FGF6: variants seen among roughly 807,000 people sequenced by gnomAD.
FGF6 encodes FGF-6.
Under a neutral mutation model 18.4 loss-of-function variants are expected in FGF6, and 14 were observed. The observed-to-expected ratio is 0.76, with a 90% CI of 0.50 to 1.19. The LOEUF (loss-of-function observed/expected upper bound fraction) is 1.19, where lower values mean the gene tolerates loss of function less well. Ranked by LOEUF, FGF6 falls within the 50% of genes most tolerant of loss-of-function variation. The probability of loss-of-function intolerance (pLI) is 0.00; values close to 1 mark genes in which losing one functional copy is unlikely to be tolerated. For synonymous variants in FGF6, 125 were observed against 116.7 expected (o/e 1.07, Z -0.46); for missense variants, 266 against 271.6 (o/e 0.98, Z 0.15).
intron 2 of FGF6, among the ~76,000 whole-genome samples, chr12:4,441,701 C>T (rs771219623): frequency 2.0e-5 from 3 of 152,136 alleles, no homozygotes; most frequent in Admixed American, 6.5e-5. Context: ...TTCCCTCCCC[C>T]ACCCATGAGA....
At position 4,445,257 on chromosome 12, in the gene FGF6, C is replaced by T. The variant is rs199938701; in HGVS notation, c.314G>A (p.Arg105Gln). The T allele has an allele frequency of 7.4e-6, 12 of 1,613,422 alleles. No individual in the cohort carries two copies. In the Admixed American group the frequency reaches 1.2e-4, roughly 16 times the overall value. ...GTTCTCCTCGTGGGTCCCGCTGATC[C>T]GGCCGTCGGGGAGCACCTGGAGGTG... The part of the protein sequence containing the change: ...GFHLQVLPDG[R>Q]ISGTHEENPY... Residue 105 changes from arginine (R) to glutamine (Q), a missense_variant, in exon 1 of 3, where the codon CGG (arginine) becomes CAG (glutamine). Transcript: ENST00000228837. This position sits in a 1 kb window ranked among gnomAD's most constrained non-coding sequence, Gnocchi z 5.5.
chr12:4,441,517 A>T (rs1478318329), intron 2 of FGF6, among the ~76,000 whole-genome samples: 1 of 152,158 alleles, frequency 6.6e-6, no homozygotes, highest in Non-Finnish European at 1.5e-5. Context: ...AGGGCAGGGC[A>T]GCTGTTTATA....
Position 4,434,194 on chromosome 12 carries a change from T to C in FGF6, c.*21A>G, listed in dbSNP as rs1865600685. ...TCGAACAGATGATGCTTTAAATCTG[T>C]GAGCCTTCTTTTGTGGGTCCTTAGA... On this transcript the variant is annotated 3_prime_UTR_variant, in exon 3 of 3. Coordinates refer to ENST00000228837, the MANE Select transcript of FGF6 (RefSeq NM_020996.3). The C allele has an allele frequency of 6.2e-7, 1 of 1,610,650 alleles. No individual in the cohort carries two copies. Among genetic ancestry groups the C allele is most frequent in the African/African-American group, 1.3e-5 (1 of 74,826 alleles).
intron 2 of FGF6, among the ~76,000 whole-genome samples, chr12:4,439,098 T>C (rs1309691202): frequency 6.6e-6 from 1 of 152,220 alleles, no homozygotes; most frequent in Non-Finnish European, 1.5e-5. Flanking sequence ...CCATAGAATA[T>C]TCTTTGATAC....
intron 2 of FGF6, among the ~76,000 whole-genome samples, chr12:4,437,662 T>C (rs1474775613): frequency 2.0e-5 from 3 of 152,198 alleles, no homozygotes; most frequent in Admixed American, 2.0e-4. Context: ...CATACATGGA[T>C]GTAAAATGAA....
At position 4,445,307 on chromosome 12, in the gene FGF6, G is replaced by C. The variant is rs903732308; in HGVS notation, c.264C>G (p.Leu88=). The change falls in exon 1 of 3, where the codon CTC becomes CTG. Residue 88 remains leucine, a synonymous_variant. Transcript: ENST00000228837. The surrounding 1 kb of genome is among the most constrained non-coding windows in gnomAD (Gnocchi z 5.5). The part of the protein sequence containing the change: ...YLVGIKRQRR[L]YCNVGIGFHL... ...GAAAGCCGATGCCCACGTTGCAGTAGAGCCTCCGCTGCCGCTTGATCCCCA... is the reference window on the plus strand; with the variant it reads ...GAAAGCCGATGCCCACGTTGCAGTACAGCCTCCGCTGCCGCTTGATCCCCA... 1.2e-6 allele frequency: 2 copies of C among 1,614,114 alleles called. No individual in the cohort carries two copies. The highest frequency in any genetic ancestry group is 8.5e-7 in the Non-Finnish European group (1 of 1,180,032).
rs1306044033 is a variant in FGF6 at position 4,445,623 on chromosome 12, C to T, written c.-53G>A. 2 of 1,411,932 alleles carry T rather than the reference C, an allele frequency of 1.4e-6. No homozygotes were observed. Among genetic ancestry groups the T allele is most frequent in the Non-Finnish European group, 9.5e-7 (1 of 1,050,882 alleles). The allele number at this position is 1,411,932 out of a possible 1,614,324, so 87.5% of individuals were successfully genotyped here. A position where few individuals can be genotyped will look rare whatever the true frequency, so the allele number is the denominator to read the frequency against. ...GAATTAATGGCCCTAAAAATACCGC[C>T]CTTCTTGTTTTTCTCCCTCCGGCAT... On this transcript the variant is annotated 5_prime_UTR_variant, in exon 1 of 3. Transcript: ENST00000228837. The surrounding 1 kb of genome is among the most constrained non-coding windows in gnomAD (Gnocchi z 5.5).
intron 2 of FGF6, among the ~76,000 whole-genome samples, chr12:4,441,408 G>A (rs1865689306): frequency 6.6e-6 from 1 of 152,208 alleles, no homozygotes; most frequent in Non-Finnish European, 1.5e-5. Flanking sequence ...TGCACAGGGA[G>A]GATGAAGATC....
intron 2 of FGF6, among the ~76,000 whole-genome samples, chr12:4,435,009 G>A (rs193252549): frequency 1.5e-4 from 23 of 151,978 alleles, no homozygotes; most frequent in African/African-American, 5.6e-4. Flanking sequence ...AGCACTGCCT[G>A]TCTCTTTGTT....
intron 2 of FGF6, among the ~76,000 whole-genome samples, chr12:4,443,197 C>T (rs561106348): frequency 6.6e-6 from 1 of 152,304 alleles, no homozygotes; most frequent in East Asian, 1.9e-4. Flanking sequence ...GGACAGCTCC[C>T]CTGGGACCCA....
Position 4,438,751 on chromosome 12 carries a change from C to CAAAAA in FGF6, c.451-4365_451-4361dup, listed in dbSNP as rs386375443. On this transcript the variant is annotated intron_variant, in intron 2 of 2. Coordinates refer to ENST00000228837, the MANE Select transcript of FGF6 (RefSeq NM_020996.3). ...CTGGTGACAGAGCGAGACTCTATCT[C>CAAAAA]AAAAAAAAAAAAAAAAAAAAAAAAA... 7.3e-4 allele frequency among the ~76,000 whole-genome samples: 29 copies of CAAAAA among 39,724 alleles called. 5 individuals are homozygous for CAAAAA. The highest frequency in any genetic ancestry group is 6.6e-3 in the South Asian group (4 of 606). The allele number at this position is 39,724 out of a possible 152,430, so 26.1% of individuals were successfully genotyped here. A position where few individuals can be genotyped will look rare whatever the true frequency, so the allele number is the denominator to read the frequency against.
intron 2 of FGF6, among the ~76,000 whole-genome samples, chr12:4,436,579 C>T (rs896442347): frequency 3.9e-5 from 6 of 152,048 alleles, no homozygotes; most frequent in South Asian, 4.2e-4. Context: ...ATTGCTCCGC[C>T]GCACTCCAGC....
intron 2 of FGF6, among the ~76,000 whole-genome samples, 194 bp downstream of exon 2, chr12:4,443,939 A>G (rs1404520147): frequency 6.6e-6 from 1 of 152,216 alleles, no homozygotes; most frequent in Non-Finnish European, 1.5e-5. Context: ...AGCACGGGCC[A>G]GGGCAGAGGA....
rs925005313 is a variant in FGF6 at position 4,445,794 on chromosome 12, C to G, written c.-224G>C. On this transcript the variant is annotated 5_prime_UTR_variant, in exon 1 of 3. Transcript: ENST00000228837. This position sits in a 1 kb window ranked among gnomAD's most constrained non-coding sequence, Gnocchi z 5.5. ...TGGCTCGGGGACGCTCTCTAGCTCG[C>G]CCGCTTGCTCCGTCCCTAGTTGATG... Among the ~76,000 whole-genome samples the G allele has an allele frequency of 6.6e-6, 1 of 152,192 alleles. No individual in the cohort carries two copies. The highest frequency in any genetic ancestry group is 1.5e-5 in the Non-Finnish European group (1 of 68,034).
intron 1 of FGF6, 50 bp from the exon 2 acceptor site, chr12:4,444,286 T>G (rs1251680781): frequency 3.0e-6 from 4 of 1,321,726 alleles, no homozygotes; most frequent in East Asian, 2.3e-5. Context: ...CAAATCAGAG[T>G]GGGAACTTGA....
intron 2 of FGF6, among the ~76,000 whole-genome samples, chr12:4,437,010 G>A (rs1349979221): frequency 6.6e-6 from 1 of 152,178 alleles, no homozygotes; most frequent in Non-Finnish European, 1.5e-5. Context: ...GAACATATTT[G>A]TGCCACAGCT....
At chr12:4,434,778 T>C (rs1427031390) in intron 2 of FGF6, among the ~76,000 whole-genome samples, 4 of 152,170 alleles carry the variant, frequency 2.6e-5, no homozygotes, top group Non-Finnish European at 5.9e-5. Context: ...TGACACAAGC[T>C]GTTTTCTCAA....
chr12:4,436,126 A>T (rs554119761), intron 2 of FGF6, among the ~76,000 whole-genome samples: 21 of 152,164 alleles, frequency 1.4e-4, no homozygotes, highest in African/African-American at 5.1e-4. Flanking sequence ...CTGGCAGTGT[A>T]GCTGGACGAG....
intron 2 of FGF6, among the ~76,000 whole-genome samples, chr12:4,439,531 C>T (rs974180047): frequency 1.3e-5 from 2 of 152,174 alleles, no homozygotes; most frequent in African/African-American, 4.8e-5. Context: ...CCCAGCCTCT[C>T]CTAAACATCT....
Sources: allele counts gnomAD v4.1 joint callset (sites outside exome capture counted in the v4.1 genomes callset), GRCh38; gene constraint gnomAD v4.1.1; non-coding constraint Gnocchi (gnomAD v3.1); transcripts MANE v1.5; gene names NCBI Gene and HGNC (gene_info 2026-07-23, HGNC 2026-07-21).